The following SPAG16 variants were observed in gnomAD, a reference collection of about 807,000 sequenced individuals.
SPAG16 encodes the protein sperm-associated antigen 16 protein.
Under a neutral mutation model 80.4 loss-of-function variants are expected in SPAG16, and 86 were observed. The ratio of observed to expected loss-of-function variants is 1.07; its 90% CI spans 0.90 to 1.28. The LOEUF (loss-of-function observed/expected upper bound fraction) is 1.28, where lower values mean the gene tolerates loss of function less well. Among genes scored for constraint, SPAG16 ranks in the 50% most tolerant of loss-of-function variants. The pLI is 0.00. For synonymous variants in SPAG16, 294 were observed against 265.9 expected (o/e 1.11, Z -1.03); for missense variants, 870 against 765.3 (o/e 1.14, Z -1.61).
chr2:214,059,220 G>GTATATATATATA (rs1275941428), intron 13 of SPAG16, among the ~76,000 whole-genome samples: 2 of 73,808 alleles, frequency 2.7e-5, no homozygotes, highest in African/African-American at 5.1e-5. Context: ...ATATATGTAT[G>GTATATATATATA]TGTATATATA....
intron 11 of SPAG16, among the ~76,000 whole-genome samples, chr2:213,874,234 A>G (rs1203556859): frequency 6.6e-6 from 1 of 152,104 alleles, no homozygotes; most frequent in Admixed American, 6.6e-5. Flanking sequence ...GCTATACTGA[A>G]TTTGTTTTAA....
intron 7 of SPAG16, among the ~76,000 whole-genome samples, chr2:213,357,113 C>T (rs749452308): frequency 2.6e-5 from 4 of 152,068 alleles, no homozygotes; most frequent in Admixed American, 2.0e-4. Context: ...GGTCTGTGGT[C>T]TGAGAGACAG....
chr2:214,128,598 A>G (rs1162859891), intron 14 of SPAG16, among the ~76,000 whole-genome samples: 1 of 151,876 alleles, frequency 6.6e-6, no homozygotes, highest in Non-Finnish European at 1.5e-5. Flanking sequence ...TGATTTACAT[A>G]TGAATTTATT....
At chr2:213,667,107 T>C (rs1356360699) in intron 10 of SPAG16, among the ~76,000 whole-genome samples, 2 of 152,198 alleles carry the variant, frequency 1.3e-5, no homozygotes, top group African/African-American at 4.8e-5. Context: ...GAGCATCTAA[T>C]TTAGATTTCT....
chr2:213,871,054 A>T (rs1286983506), intron 11 of SPAG16, among the ~76,000 whole-genome samples: 9 of 152,198 alleles, frequency 5.9e-5, no homozygotes, highest in Non-Finnish European at 1.0e-4. Context: ...ACTCACAAAT[A>T]TACACATACA....
rs190021818 is a variant in SPAG16 at position 213,874,394 on chromosome 2, A to C, written c.1214+11766A>C. On this transcript the variant is annotated intron_variant, in intron 11 of 15. Transcript: ENST00000331683. ...AAAAATATTTTGTGCTTTTTCTATA[A>C]ATTTTTCTCTATTTTTTATTTTCAA... 7.6e-4 allele frequency among the ~76,000 whole-genome samples: 116 copies of C among 152,228 alleles called. No individual in the cohort carries two copies. The East Asian group carries it at 0.021, about 27-fold the overall frequency.
intron 15 of SPAG16, among the ~76,000 whole-genome samples, chr2:214,247,399 A>T (rs531498746): frequency 6.6e-6 from 1 of 152,162 alleles, no homozygotes; most frequent in East Asian, 1.9e-4. Flanking sequence ...GAATGTTAGG[A>T]GCCTCTCAAG....
At chr2:214,244,451 T>G (rs1156376073) in intron 15 of SPAG16, among the ~76,000 whole-genome samples, 1 of 150,472 alleles carries the variant, frequency 6.6e-6, no homozygotes, top group East Asian at 1.9e-4. Flanking sequence ...TTACTCTCCA[T>G]GTTTATGGAG....
chr2:213,823,455 A>T (rs1454922228), intron 10 of SPAG16, among the ~76,000 whole-genome samples: 1 of 151,908 alleles, frequency 6.6e-6, no homozygotes, highest in Non-Finnish European at 1.5e-5. Context: ...CTGCCTCCCA[A>T]GTTCAAGCGA....
intron 9 of SPAG16, among the ~76,000 whole-genome samples, chr2:213,400,617 A>G (rs943014659): frequency 6.6e-6 from 1 of 152,200 alleles, no homozygotes; most frequent in African/African-American, 2.4e-5. Context: ...TTTTCATGAT[A>G]TAGCTGGGCA....
intron 10 of SPAG16, among the ~76,000 whole-genome samples, chr2:213,851,219 A>G (rs916185220): frequency 5.3e-5 from 8 of 152,204 alleles, no homozygotes; most frequent in Non-Finnish European, 8.8e-5. Flanking sequence ...TTGAATCTAT[A>G]AACTAATAAT....
At chr2:213,646,055 A>G (rs1348998992) in intron 10 of SPAG16, among the ~76,000 whole-genome samples, 1 of 152,172 alleles carries the variant, frequency 6.6e-6, no homozygotes, top group Non-Finnish European at 1.5e-5. Flanking sequence ...TTAGTGCCTC[A>G]CAATTGCTGT....
intron 13 of SPAG16, among the ~76,000 whole-genome samples, chr2:214,040,123 A>G (rs2125087472): frequency 6.6e-6 from 1 of 152,324 alleles, no homozygotes; most frequent in Non-Finnish European, 1.5e-5. Flanking sequence ...TGTTATCTGC[A>G]GGAGTAATAG....
At chr2:213,939,043 A>G (rs2079099273) in intron 12 of SPAG16, among the ~76,000 whole-genome samples, 1 of 152,146 alleles carries the variant, frequency 6.6e-6, no homozygotes, top group South Asian at 2.1e-4. Context: ...GAACCATGGA[A>G]TAATCTTTGG....
intron 15 of SPAG16, among the ~76,000 whole-genome samples, chr2:214,342,563 G>T (rs1331441714): frequency 6.6e-6 from 1 of 151,840 alleles, no homozygotes; most frequent in African/African-American, 2.4e-5. Context: ...TCTAGTTGCA[G>T]GAAAACACGC....
intron 10 of SPAG16, among the ~76,000 whole-genome samples, chr2:213,838,419 C>T (rs1023244000): frequency 2.6e-5 from 4 of 152,232 alleles, no homozygotes; most frequent in East Asian, 1.9e-4. Context: ...GTAATCCATC[C>T]GCCTCGGCCT....
intron 12 of SPAG16, among the ~76,000 whole-genome samples, chr2:213,970,261 G>T (rs2044957482): frequency 6.6e-6 from 1 of 150,978 alleles, no homozygotes; most frequent in Non-Finnish European, 1.5e-5. Context: ...GTGAAATATT[G>T]TCAGTCAAGT....
intron 15 of SPAG16, among the ~76,000 whole-genome samples, chr2:214,181,727 T>G (rs546874538): frequency 1.9e-4 from 29 of 152,044 alleles, no homozygotes; most frequent in African/African-American, 6.7e-4. Flanking sequence ...CCATAAGATG[T>G]AAAATTGTAT....
intron 11 of SPAG16, among the ~76,000 whole-genome samples, chr2:213,906,686 G>C (rs1452865153): frequency 1.3e-5 from 2 of 152,098 alleles, no homozygotes; most frequent in Non-Finnish European, 2.9e-5. Context: ...AAATGAAACA[G>C]CTTAGAGAGC....
Sources: allele counts gnomAD v4.1 joint callset (sites outside exome capture counted in the v4.1 genomes callset), GRCh38; gene constraint gnomAD v4.1.1; transcripts MANE v1.5; gene names NCBI Gene and HGNC (gene_info 2026-07-23, HGNC 2026-07-21).